DLC1: variants seen among roughly 807,000 people sequenced by gnomAD.
DLC1 encodes rho GTPase-activating protein 7.
In DLC1, 54 loss-of-function variants were observed where a neutral mutation model predicts 140.3. The observed-to-expected ratio is 0.38, with a 90% CI of 0.31 to 0.48. The LOEUF (loss-of-function observed/expected upper bound fraction) is 0.48. Among genes scored for constraint, DLC1 ranks in the 20% least tolerant of loss-of-function variants. The pLI is 0.96. For synonymous variants in DLC1, 986 were observed against 728.1 expected (o/e 1.35, Z -5.70); for missense variants, 2,536 against 1,907.0 (o/e 1.33, Z -6.14).
chr8:13,244,951 A>G (rs1028398744), intron 5 of DLC1, among the ~76,000 whole-genome samples: 1 of 152,200 alleles, frequency 6.6e-6, no homozygotes, highest in Non-Finnish European at 1.5e-5. Context: ...TTTTGTTTCT[A>G]GAACAAATGC....
chr8:13,556,875 G>C (rs1312009997), intron 1 of DLC1, among the ~76,000 whole-genome samples: 1 of 152,192 alleles, frequency 6.6e-6, no homozygotes, highest in Non-Finnish European at 1.5e-5. Context: ...ACAATTTGCT[G>C]ACAGTCTGAT....
At chr8:13,179,580 G>T (rs1299263285) in intron 5 of DLC1, among the ~76,000 whole-genome samples, 1 of 151,878 alleles carries the variant, frequency 6.6e-6, no homozygotes, top group African/African-American at 2.4e-5. Context: ...AATTAGCTGG[G>T]CATGGTAGCT....
At chr8:13,540,863 A>C (rs368892280) in intron 1 of DLC1, among the ~76,000 whole-genome samples, 1 of 152,200 alleles carries the variant, frequency 6.6e-6, no homozygotes, top group South Asian at 2.1e-4. Context: ...ACAGGAGTTC[A>C]GATTGTCCTC....
chr8:13,306,617 C>G (rs1049005326), intron 4 of DLC1, among the ~76,000 whole-genome samples: 1 of 151,490 alleles, frequency 6.6e-6, no homozygotes, highest in Admixed American at 6.6e-5. Context: ...AAGTGCAGCT[C>G]TGTTGTGGAT....
At chr8:13,513,335 G>T (rs552148420) in intron 1 of DLC1, among the ~76,000 whole-genome samples, 1 of 152,102 alleles carries the variant, frequency 6.6e-6, no homozygotes, top group African/African-American at 2.4e-5. Flanking sequence ...ATAAAAAGTA[G>T]ATTCTTTTTC....
At chr8:13,553,437 C>G (rs1803934305) in intron 1 of DLC1, among the ~76,000 whole-genome samples, 1 of 150,976 alleles carries the variant, frequency 6.6e-6, no homozygotes, top group Non-Finnish European at 1.5e-5. Context: ...ATGTTTTTTT[C>G]TTATATTAAC....
chr8:13,370,299 A>G (rs759075455), intron 4 of DLC1, among the ~76,000 whole-genome samples: 5 of 152,158 alleles, frequency 3.3e-5, no homozygotes, highest in Admixed American at 2.0e-4. Flanking sequence ...TATTTTTCAT[A>G]ATTAATGTCC....
intron 4 of DLC1, among the ~76,000 whole-genome samples, chr8:13,391,473 C>A (rs1395030756): frequency 1.3e-5 from 2 of 151,992 alleles, no homozygotes; most frequent in Non-Finnish European, 2.9e-5. Flanking sequence ...TTAAATATTT[C>A]TTAATTGCGA....
At chr8:13,098,867 C>T (rs997883275) in intron 9 of DLC1, among the ~76,000 whole-genome samples, 6 of 152,136 alleles carry the variant, frequency 3.9e-5, no homozygotes, top group Middle Eastern at 3.2e-3. Flanking sequence ...CCTCCCACCT[C>T]GGCCTCCCAA....
intron 5 of DLC1, among the ~76,000 whole-genome samples, chr8:13,148,052 C>G (rs1823560602): frequency 6.6e-6 from 1 of 152,078 alleles, no homozygotes; most frequent in Admixed American, 6.5e-5. Context: ...TGTATTCTTC[C>G]TCTCTATAGA....
intron 5 of DLC1, among the ~76,000 whole-genome samples, chr8:13,162,310 TTTGTTGTTG>T (rs142702369): frequency 1.3e-5 from 2 of 151,226 alleles, no homozygotes; most frequent in African/African-American, 4.9e-5. Context: ...TAGTCTACAG[TTTGTTGTTG>T]TTGTTGTTGT....
At chr8:13,451,945 A>G (rs1342425817) in intron 2 of DLC1, among the ~76,000 whole-genome samples, 1 of 152,134 alleles carries the variant, frequency 6.6e-6, no homozygotes, top group African/African-American at 2.4e-5. Flanking sequence ...GGAACTTCCA[A>G]ACTGTTCTCC....
intron 1 of DLC1, among the ~76,000 whole-genome samples, chr8:13,555,097 A>G (rs1038028348): frequency 1.8e-4 from 27 of 152,154 alleles, no homozygotes; most frequent in African/African-American, 6.5e-4. Flanking sequence ...TAACCTCATG[A>G]TTCATTCCTT....
chr8:13,438,470 C>T (rs1432141622), intron 2 of DLC1, among the ~76,000 whole-genome samples: 1 of 152,096 alleles, frequency 6.6e-6, no homozygotes, highest in Non-Finnish European at 1.5e-5. Flanking sequence ...CCAGTCAGTT[C>T]ACGTTACTTC....
chr8:13,240,451 C>G (rs1829494629), intron 5 of DLC1, among the ~76,000 whole-genome samples: 1 of 152,168 alleles, frequency 6.6e-6, no homozygotes, highest in Non-Finnish European at 1.5e-5. Flanking sequence ...GAGACAGGGT[C>G]TCTCTCTTGC....
intron 2 of DLC1, among the ~76,000 whole-genome samples, chr8:13,430,508 A>T (rs1838815666): frequency 6.6e-6 from 1 of 152,058 alleles, no homozygotes; most frequent in African/African-American, 2.4e-5. Context: ...CCTCATTTTC[A>T]TTCTTTTGAA....
chr8:13,164,500 C>T (rs1052716386), intron 5 of DLC1, among the ~76,000 whole-genome samples: 1 of 152,074 alleles, frequency 6.6e-6, no homozygotes, highest in Admixed American at 6.6e-5. Flanking sequence ...GATATCTTCC[C>T]CTTGTTTTCT....
chr8:13,499,292 A>G lies in DLC1; in HGVS notation c.780T>C (p.Thr260=). Residue 260 remains threonine (T), a synonymous_variant, in exon 2 of 18, where the codon ACT becomes ACC. Transcript: ENST00000276297. The part of the protein sequence containing the change: ...CNVVQNEFLD[T]PCTNRGLPLL... ...ATGGCAGTCCTCTGTTTGTGCAAGG[A>G]GTATCCAAGAACTCATTTTGTACTA... 1 of 1,614,138 alleles carries G rather than the reference A, an allele frequency of 6.2e-7. No homozygotes were observed.
At chr8:13,350,109 G>A (rs571840948) in intron 4 of DLC1, among the ~76,000 whole-genome samples, 13 of 152,288 alleles carry the variant, frequency 8.5e-5, no homozygotes, top group Non-Finnish European at 1.3e-4. Flanking sequence ...TGACGCCTCT[G>A]TGGCCAGAGG....
Sources: allele counts gnomAD v4.1 joint callset (sites outside exome capture counted in the v4.1 genomes callset), GRCh38; gene constraint gnomAD v4.1.1; transcripts MANE v1.5; gene names NCBI Gene and HGNC (gene_info 2026-07-23, HGNC 2026-07-21).